DNAJC5B: variants seen among roughly 807,000 people sequenced by gnomAD.
DNAJC5B encodes DnaJ heat shock protein family (Hsp40) member C5 beta.
Under a neutral mutation model 24.7 loss-of-function variants are expected in DNAJC5B, and 23 were observed. That is an observed-to-expected ratio of 0.93 (90% CI 0.67 to 1.32). The LOEUF (loss-of-function observed/expected upper bound fraction) is 1.32, where lower values mean the gene tolerates loss of function less well. Among genes scored for constraint, DNAJC5B ranks in the 40% most tolerant of loss-of-function variants. The pLI, the probability that DNAJC5B is intolerant of heterozygous loss-of-function variation, is 0.00. For synonymous variants in DNAJC5B, 101 were observed against 90.1 expected (o/e 1.12, Z -0.68); for missense variants, 238 against 240.8 (o/e 0.99, Z 0.08).
chr8:66,057,627 A>G (rs1806994413), intron 3 of DNAJC5B: 1 of 152,238 alleles, frequency 6.6e-6, no homozygotes, highest in Non-Finnish European at 1.5e-5. Flanking sequence ...GCCAAGAAAC[A>G]TTATAATTAA....
At chr8:66,074,296 G>A (rs1229700029) in intron 3 of DNAJC5B, among the ~76,000 whole-genome samples, 3 of 152,202 alleles carry the variant, frequency 2.0e-5, no homozygotes, top group African/African-American at 4.8e-5. Context: ...GCATCTTGAA[G>A]TGTTGGATGG....
chr8:66,032,386 C>G (rs940746593), intron 1 of DNAJC5B, among the ~76,000 whole-genome samples: 2 of 152,238 alleles, frequency 1.3e-5, no homozygotes, highest in Non-Finnish European at 2.9e-5. Context: ...TTTGAGATGA[C>G]CCACAGAGCA....
intron 1 of DNAJC5B, among the ~76,000 whole-genome samples, chr8:66,037,614 C>T (rs4636189): frequency 0.25 from 38,504 of 152,104 alleles, 10,846 homozygotes; most frequent in African/African-American, 0.7. Context: ...ACCTCTGGGA[C>T]GGTCCACTCA....
At chr8:66,089,920 T>C (rs1396644572) in intron 5 of DNAJC5B, among the ~76,000 whole-genome samples, 3 of 152,176 alleles carry the variant, frequency 2.0e-5, no homozygotes, top group Admixed American at 1.3e-4. Flanking sequence ...ATTGTTCTTA[T>C]GAATCAATCA....
At chr8:66,026,514 AG>A (rs1225614377) in intron 1 of DNAJC5B, among the ~76,000 whole-genome samples, 1 of 152,240 alleles carries the variant, frequency 6.6e-6, no homozygotes, top group Non-Finnish European at 1.5e-5. Flanking sequence ...AGATCCTGAG[AG>A]AGCAGAGTCT....
intron 3 of DNAJC5B, among the ~76,000 whole-genome samples, chr8:66,073,352 TA>T (rs1472137261): frequency 6.6e-5 from 10 of 152,196 alleles, no homozygotes; most frequent in African/African-American, 2.2e-4. Context: ...GTAAAAATGA[TA>T]AAACTTTAAA....
intron 2 of DNAJC5B, among the ~76,000 whole-genome samples, chr8:66,049,379 C>T (rs761191642): frequency 3.3e-5 from 5 of 152,184 alleles, no homozygotes; most frequent in Non-Finnish European, 7.4e-5. Flanking sequence ...CTTTGAGCTC[C>T]ATTTGTGGCA....
intron 5 of DNAJC5B, among the ~76,000 whole-genome samples, chr8:66,082,653 G>A (rs1288953805): frequency 1.3e-5 from 2 of 152,122 alleles, no homozygotes; most frequent in African/African-American, 2.4e-5. Context: ...TAACCAAAAG[G>A]AAAAGCTTTA....
At chr8:66,031,618 A>G (rs1195317432) in intron 1 of DNAJC5B, among the ~76,000 whole-genome samples, 1 of 152,208 alleles carries the variant, frequency 6.6e-6, no homozygotes. Context: ...CAGGATCTGC[A>G]CTCAGCATGC....
chr8:66,019,166 T>G (rs1228766650), upstream of DNAJC5B, among the ~76,000 whole-genome samples: 1 of 152,212 alleles, frequency 6.6e-6, no homozygotes, highest in East Asian at 1.9e-4. Context: ...TTATTTGCCC[T>G]GAGATGATAG....
chr8:66,020,746 T>TG (rs1350017605), upstream of DNAJC5B, among the ~76,000 whole-genome samples: 2 of 151,770 alleles, frequency 1.3e-5, no homozygotes, highest in African/African-American at 2.4e-5. Flanking sequence ...TAAGCGATCA[T>TG]CCCCTGTCAG....
chr8:66,060,844 G>T (rs1807065430), intron 3 of DNAJC5B, among the ~76,000 whole-genome samples: 1 of 152,192 alleles, frequency 6.6e-6, no homozygotes, highest in Non-Finnish European at 1.5e-5. Context: ...CCGCCTCTGT[G>T]TTGGCCACTG....
intron 3 of DNAJC5B, among the ~76,000 whole-genome samples, chr8:66,054,458 G>A (rs1414741033): frequency 1.3e-5 from 2 of 152,206 alleles, no homozygotes. Context: ...CATAAGGAAT[G>A]AGGTAGAATT....
intron 3 of DNAJC5B, among the ~76,000 whole-genome samples, chr8:66,070,414 AACAG>A (rs1247551580): frequency 1.3e-5 from 2 of 152,148 alleles, no homozygotes; most frequent in Non-Finnish European, 2.9e-5. Context: ...ATATACCAAT[AACAG>A]ACAGAGAGCG....
chr8:66,100,127 C>T lies in DNAJC5B; in HGVS notation c.*96C>T. On this transcript the variant is annotated 3_prime_UTR_variant, in exon 6 of 6. Coordinates refer to ENST00000276570, the MANE Select transcript of DNAJC5B (RefSeq NM_033105.6). ...CGTGTGGGGCATAAAGTGCTGTGAA[C>T]TTTTCCATCTTGTTGTTTTATTTTT... is the stretch of plus-strand genomic sequence containing the variant. The T allele has an allele frequency of 2.0e-6, 2 of 981,786 alleles. No individual in the cohort carries two copies. Among genetic ancestry groups the T allele is most frequent in the East Asian group, 2.7e-5 (1 of 37,414 alleles). The allele number at this position is 981,786 out of a possible 1,614,324, so 60.8% of individuals were successfully genotyped here. A position where few individuals can be genotyped will look rare whatever the true frequency, so the allele number is the denominator to read the frequency against.
chr8:66,077,960 T>G (rs935093437), intron 4 of DNAJC5B, among the ~76,000 whole-genome samples: 1 of 152,136 alleles, frequency 6.6e-6, no homozygotes, highest in East Asian at 1.9e-4. Flanking sequence ...GGAATGAGAG[T>G]GTACACACCG....
At chr8:66,099,453 G>A (rs1164047492) in intron 5 of DNAJC5B, among the ~76,000 whole-genome samples, 3 of 152,176 alleles carry the variant, frequency 2.0e-5, no homozygotes, top group African/African-American at 4.8e-5. Context: ...CTCCCTCTAA[G>A]CAAACTCTCA....
At chr8:66,094,736 T>G (rs1807914622) in intron 5 of DNAJC5B, among the ~76,000 whole-genome samples, 1 of 152,114 alleles carries the variant, frequency 6.6e-6, no homozygotes, top group African/African-American at 2.4e-5. Flanking sequence ...GCATCATAAT[T>G]AGTAGGTTTG....
At chr8:66,057,946 G>T (rs1227181966) in intron 3 of DNAJC5B, 3 of 152,220 alleles carry the variant, frequency 2.0e-5, no homozygotes, top group Non-Finnish European at 2.9e-5. Flanking sequence ...GAAAGGAAAT[G>T]ATAAAGAAAG....
Sources: gnomAD v4.1 joint callset for allele counts (sites outside exome capture counted in the v4.1 genomes callset) on GRCh38, gnomAD v4.1.1 for gene constraint, MANE v1.5 for transcripts, NCBI Gene and HGNC (gene_info 2026-07-23, HGNC 2026-07-21) for gene names.